ENOX1: variants seen among roughly 807,000 people sequenced by gnomAD.
ENOX1 encodes the protein ecto-NOX disulfide-thiol exchanger 1, also known as candidate growth-related and time keeping constitutive hydroquinone (NADH) oxidase.
A neutral mutation model predicts 82.5 loss-of-function variants in ENOX1; 42 were observed. The ratio of observed to expected loss-of-function variants is 0.51; its 90% CI spans 0.40 to 0.66. The LOEUF (loss-of-function observed/expected upper bound fraction) is 0.66. Among genes scored for constraint, ENOX1 ranks in the 30% least tolerant of loss-of-function variants. The pLI is 0.00. For missense variants in ENOX1, 608 were observed against 811.6 expected (o/e 0.75, Z 3.05); for synonymous variants, 271 against 282.2 (o/e 0.96, Z 0.40).
At chr13:43,540,722 G>T (rs1003432748) in intron 2 of ENOX1, among the ~76,000 whole-genome samples, 2 of 152,180 alleles carry the variant, frequency 1.3e-5, no homozygotes, top group African/African-American at 4.8e-5. Context: ...TCATGGTCAG[G>T]TTTACATTTT....
intron 5 of ENOX1, among the ~76,000 whole-genome samples, chr13:43,364,163 C>T (rs1317061528): frequency 6.6e-6 from 1 of 152,194 alleles, no homozygotes; most frequent in African/African-American, 2.4e-5. Flanking sequence ...ATGATGTACT[C>T]GCTCATTAAA....
At chr13:43,596,060 T>C (rs371397612) in intron 2 of ENOX1, among the ~76,000 whole-genome samples, 95 of 152,350 alleles carry the variant, frequency 6.2e-4, no homozygotes, top group Middle Eastern at 3.4e-3. Context: ...ACAGATGTTA[T>C]ACCAAATTCT....
At chr13:43,697,435 A>G (rs548482773) in intron 1 of ENOX1, among the ~76,000 whole-genome samples, 7 of 152,190 alleles carry the variant, frequency 4.6e-5, no homozygotes, top group Non-Finnish European at 8.8e-5. Context: ...TTAGGGCTCA[A>G]CCTTGAGGAA....
At chr13:43,771,373 C>T (rs1461882245) in intron 1 of ENOX1, among the ~76,000 whole-genome samples, 2 of 152,132 alleles carry the variant, frequency 1.3e-5, no homozygotes, top group Non-Finnish European at 2.9e-5. Flanking sequence ...ACCTAACCCA[C>T]CCATCAGTAA....
intron 1 of ENOX1, among the ~76,000 whole-genome samples, chr13:43,750,768 G>A (rs747360883): frequency 5.3e-5 from 8 of 152,158 alleles, no homozygotes; most frequent in Non-Finnish European, 8.8e-5. Flanking sequence ...TGTTCCATGC[G>A]ATCAAATTTC....
At chr13:43,365,891 G>A (rs768447654) in intron 5 of ENOX1, among the ~76,000 whole-genome samples, 63 of 152,208 alleles carry the variant, frequency 4.1e-4, no homozygotes, top group Non-Finnish European at 7.5e-4. Context: ...CAGGTCCCAG[G>A]ACTTGTGCAG....
intron 3 of ENOX1, among the ~76,000 whole-genome samples, chr13:43,418,222 A>G (rs1336545713): frequency 2.0e-5 from 3 of 151,096 alleles, no homozygotes; most frequent in Non-Finnish European, 3.0e-5. Context: ...AAGTAAATAC[A>G]TAAAATAATA....
At chr13:43,419,368 G>A (rs114988461) in intron 3 of ENOX1, among the ~76,000 whole-genome samples, 331 of 152,056 alleles carry the variant, frequency 2.2e-3, no homozygotes, top group African/African-American at 6.9e-3. Flanking sequence ...AACATAGGGC[G>A]ATTTCATCTC....
At chr13:43,510,465 T>C (rs1259454794) in intron 2 of ENOX1, among the ~76,000 whole-genome samples, 1 of 152,144 alleles carries the variant, frequency 6.6e-6, no homozygotes, top group Non-Finnish European at 1.5e-5. Context: ...GTAAATTTAC[T>C]GTAAAGAGCA....
rs78475085 is a variant in ENOX1 at position 43,469,899 on chromosome 13, T to C, written c.-75+14110A>G. On this transcript the variant is annotated intron_variant, in intron 3 of 16. Coordinates refer to ENST00000690772, the MANE Select transcript of ENOX1 (RefSeq NM_001347969.2). ...TACTATAAAGCTACAGAAATCAGTG[T>C]AGTCTGGTACACTGATATATAAAGA... 5.4e-4 allele frequency among the ~76,000 whole-genome samples: 82 copies of C among 151,936 alleles called. 3 individuals carry two copies. In the East Asian group the frequency reaches 0.013, roughly 24 times the overall value.
At position 43,335,680 on chromosome 13, in the gene ENOX1, C is replaced by T. The variant is rs912261194; in HGVS notation, c.1036+8858G>A. Among the ~76,000 whole-genome samples, 4 of 146,782 alleles carry T rather than the reference C, an allele frequency of 2.7e-5. No individual in the cohort carries two copies. The Admixed American group carries it at 2.8e-4, about 10-fold the overall frequency. ...AGTGTAAGACTTGATTTCTATCTTA[C>T]ATTTTGGTATTATTAAAGATTTTTT... is the stretch of plus-strand genomic sequence containing the variant. On this transcript the variant is annotated intron_variant, in intron 9 of 16. Transcript: ENST00000690772.
intron 15 of ENOX1, among the ~76,000 whole-genome samples, chr13:43,226,122 T>C (rs1822750): frequency 0.1 from 15,620 of 152,188 alleles, 1,051 homozygotes; most frequent in South Asian, 0.33. Flanking sequence ...TACTTCCCTG[T>C]AACTGAAATT....
rs372236476 is a variant in ENOX1 at position 43,331,772 on chromosome 13, C to A, written c.1037-5247G>T. ...CCAGCTCTCAGGATACCCAGAGGAG[C>A]AAGACAAGGTCCAAGGGAGAAGCGG... On this transcript the variant is annotated intron_variant, in intron 9 of 16. Transcript: ENST00000690772. Among the ~76,000 whole-genome samples the A allele has an allele frequency of 2.5e-4, 38 of 152,118 alleles. 1 individual carries two copies. The highest frequency in any genetic ancestry group is 9.2e-4 in the Admixed American group (14 of 15,266).
intron 1 of ENOX1, among the ~76,000 whole-genome samples, chr13:43,673,175 G>GTGTATA (rs143949240): frequency 1.5e-3 from 226 of 148,932 alleles, no homozygotes; most frequent in African/African-American, 5.0e-3. Context: ...TTGCATGTGT[G>GTGTATA]TATATATATA....
intron 2 of ENOX1, among the ~76,000 whole-genome samples, chr13:43,484,540 T>C (rs1036807030): frequency 4.6e-5 from 7 of 152,150 alleles, no homozygotes; most frequent in Non-Finnish European, 7.3e-5. Flanking sequence ...AATTGAAAAG[T>C]ATTGGCTCCA....
intron 12 of ENOX1, among the ~76,000 whole-genome samples, chr13:43,290,421 A>G (rs1566433570): frequency 2.0e-5 from 3 of 152,200 alleles, no homozygotes; most frequent in African/African-American, 7.2e-5. Flanking sequence ...CTACAACCAT[A>G]AAAAAGAATG....
chr13:43,340,791 G>C (rs1473701809), intron 9 of ENOX1, among the ~76,000 whole-genome samples: 1 of 152,100 alleles, frequency 6.6e-6, no homozygotes, highest in African/African-American at 2.4e-5. Context: ...ACTGTTTCAG[G>C]GTTCCCTCCT....
chr13:43,569,310 CAGAT>C (rs892016655), intron 2 of ENOX1, among the ~76,000 whole-genome samples: 9 of 152,130 alleles, frequency 5.9e-5, no homozygotes, highest in African/African-American at 1.4e-4. Flanking sequence ...CTAGGGCAGA[CAGAT>C]AGATAGATAA....
intron 1 of ENOX1, among the ~76,000 whole-genome samples, chr13:43,685,060 C>T (rs1360010403): frequency 6.6e-6 from 1 of 152,186 alleles, no homozygotes; most frequent in Non-Finnish European, 1.5e-5. Context: ...AATCATGCTG[C>T]TCTTCCTCGA....
Sources: allele counts gnomAD v4.1 joint callset (sites outside exome capture counted in the v4.1 genomes callset), GRCh38; gene constraint gnomAD v4.1.1; transcripts MANE v1.5; gene names NCBI Gene and HGNC (gene_info 2026-07-23, HGNC 2026-07-21).